VWA8: variants seen among roughly 807,000 people sequenced by gnomAD.
VWA8 encodes the protein von Willebrand factor A domain-containing protein 8.
A neutral mutation model predicts 241.5 loss-of-function variants in VWA8; 221 were observed. The observed-to-expected ratio is 0.91, with a 90% confidence interval of 0.82 to 1.02. The LOEUF is 1.02. VWA8 is among the 50% of genes least tolerant of loss of function. The probability of loss-of-function intolerance (pLI) is 0.00; values close to 1 mark genes in which losing one functional copy is unlikely to be tolerated. For missense variants in VWA8, 2,322 were observed against 2,328.7 expected (o/e 1.00, Z 0.06); for synonymous variants, 852 against 827.1 (o/e 1.03, Z -0.52).
intron 12 of VWA8, among the ~76,000 whole-genome samples, chr13:41,840,652 G>A (rs1182173978): frequency 6.6e-6 from 1 of 151,830 alleles, no homozygotes; most frequent in African/African-American, 2.4e-5. Context: ...CCAGCTACTT[G>A]GGGAGCTGAG....
chr13:41,776,873 T>G (rs186630706), intron 20 of VWA8, among the ~76,000 whole-genome samples: 10 of 152,328 alleles, frequency 6.6e-5, no homozygotes, highest in Admixed American at 5.9e-4. Flanking sequence ...ATTTTTACTT[T>G]TATTTTTAAA....
chr13:41,825,564 C>G (rs564568965), intron 14 of VWA8, among the ~76,000 whole-genome samples: 1 of 152,114 alleles, frequency 6.6e-6, no homozygotes, highest in African/African-American at 2.4e-5. Flanking sequence ...TGATACCCCC[C>G]GAGCATCGAC....
chr13:41,816,833 T>A (rs774643819), intron 15 of VWA8, 58 bp from the exon 16 acceptor site: 21 of 1,307,708 alleles, frequency 1.6e-5, no homozygotes, highest in Middle Eastern at 1.9e-4. Flanking sequence ...ATCTGATCAA[T>A]CAATCAGAAA....
chr13:41,694,383 T>TC (rs1302367718), intron 29 of VWA8, among the ~76,000 whole-genome samples: 5 of 152,142 alleles, frequency 3.3e-5, no homozygotes, highest in African/African-American at 9.6e-5. Context: ...CAAGCTTAAA[T>TC]TTCTTTCATA....
chr13:41,869,852 T>A lies in VWA8; in HGVS notation c.1081-1375A>T, dbSNP rs183153698. Among the ~76,000 whole-genome samples the A allele has an allele frequency of 1.7e-3, 263 of 152,254 alleles. 2 individuals are homozygous for A. The highest frequency in any genetic ancestry group is 5.8e-3 in the African/African-American group (242 of 41,550). ...CATGCTCAATATAAAAAACTGAATT[T>A]ATTTTTACTATTAAATAGGCAGAAA... On this transcript the variant is annotated intron_variant, in intron 9 of 44. Coordinates refer to ENST00000379310, the MANE Select transcript of VWA8 (RefSeq NM_015058.2).
At chr13:41,698,931 T>G (rs1374043781) in intron 29 of VWA8, 140 bp downstream of exon 29, 17 of 1,097,778 alleles carry the variant, frequency 1.5e-5, no homozygotes, top group Non-Finnish European at 2.1e-5. Context: ...GTAGTACTGA[T>G]AAAATGCAAC....
Position 41,719,626 on chromosome 13 carries a change from G to T in VWA8, c.3081C>A (p.Ile1027=). 6.2e-7 allele frequency: 1 copy of T among 1,613,026 alleles called. No individual in the cohort carries two copies. The highest frequency in any genetic ancestry group is 1.1e-5 in the South Asian group (1 of 91,046). ...INTLHKYGIP[I]GAKPTSVQLA... ...GCTGCACACTGGTAGGCTTTGCTCCGATAGGTATCCCGTATTTGTGTAAAG... is the reference window on the plus strand; with the variant it reads ...GCTGCACACTGGTAGGCTTTGCTCCTATAGGTATCCCGTATTTGTGTAAAG... The change falls in exon 26 of 45, where the codon ATC becomes ATA. Residue 1027 remains isoleucine, a synonymous_variant. Transcript: ENST00000379310.
chr13:41,644,119 G>T (rs542106016), intron 37 of VWA8, among the ~76,000 whole-genome samples: 1 of 152,164 alleles, frequency 6.6e-6, no homozygotes, highest in African/African-American at 2.4e-5. Flanking sequence ...TGACTACCCA[G>T]ATTTTTTTTT....
chr13:41,931,520 C>G (rs1239297291), intron 2 of VWA8, among the ~76,000 whole-genome samples: 1 of 151,900 alleles, frequency 6.6e-6, no homozygotes, highest in Admixed American at 6.6e-5. Flanking sequence ...AGTAATAAAA[C>G]TGTACTGTGA....
chr13:41,816,785 G>C lies in VWA8; in HGVS notation c.1870-10C>G. 9.3e-6 allele frequency: 15 copies of C among 1,606,174 alleles called. No individual in the cohort carries two copies. The highest frequency in any genetic ancestry group is 1.3e-5 in the Non-Finnish European group (15 of 1,173,976). On this transcript the variant is annotated splice_polypyrimidine_tract_variant and intron_variant, in intron 15 of 44. Transcript: ENST00000379310. ...GAGGTACATTTGGGACCTATTTTTT[G>C]AAAGAGTTGAGGACAAACAGAAGGA...
At chr13:41,798,694 T>C (rs1328290288) in intron 17 of VWA8, among the ~76,000 whole-genome samples, 1 of 152,202 alleles carries the variant, frequency 6.6e-6, no homozygotes, top group African/African-American at 2.4e-5. Context: ...TGTTCTGGAA[T>C]TCTCCTAACC....
intron 37 of VWA8, among the ~76,000 whole-genome samples, chr13:41,650,189 C>T (rs77616166): frequency 6.6e-6 from 1 of 152,010 alleles, no homozygotes; most frequent in Admixed American, 6.6e-5. Flanking sequence ...ATATTGTATA[C>T]TTATATACTA....
intron 2 of VWA8, among the ~76,000 whole-genome samples, chr13:41,933,439 T>C (rs1566044246): frequency 6.6e-6 from 1 of 152,098 alleles, no homozygotes; most frequent in Non-Finnish European, 1.5e-5. Flanking sequence ...GCAGGCTTTT[T>C]TGTTGTTTTA....
At chr13:41,843,771 C>G (rs564936421) in intron 12 of VWA8, among the ~76,000 whole-genome samples, 5 of 152,130 alleles carry the variant, frequency 3.3e-5, no homozygotes, top group South Asian at 2.1e-4. Flanking sequence ...AACACACAAC[C>G]TCCCAAGACT....
rs765312933 is a variant in VWA8, at chr13:41,865,725, G to A, written c.1425+11C>T. On this transcript the variant is annotated intron_variant, in intron 12 of 44. Transcript: ENST00000379310. ...TTATAGTCCAAGTGCAGCTAAAAATGAACACTGTACCTGATAGAGCATAAT... is the reference window on the plus strand; with the variant it reads ...TTATAGTCCAAGTGCAGCTAAAAATAAACACTGTACCTGATAGAGCATAAT... 6.2e-7 allele frequency: 1 copy of A among 1,612,620 alleles called. No individual in the cohort carries two copies.
At chr13:41,622,269 A>T (rs926328971) in intron 37 of VWA8, among the ~76,000 whole-genome samples, 16 of 152,184 alleles carry the variant, frequency 1.1e-4, no homozygotes, top group African/African-American at 3.4e-4. Context: ...AAACTGGAAC[A>T]TACTCAGGGA....
chr13:41,821,967 A>G (rs1188546475), intron 14 of VWA8, among the ~76,000 whole-genome samples: 1 of 152,148 alleles, frequency 6.6e-6, no homozygotes, highest in East Asian at 1.9e-4. Context: ...AGCTCTATAT[A>G]ATGACCAGAA....
intron 43 of VWA8, among the ~76,000 whole-genome samples, chr13:41,572,996 C>A (rs2044319507): frequency 6.7e-6 from 1 of 150,214 alleles, no homozygotes; most frequent in South Asian, 2.1e-4. Flanking sequence ...GTGATCTCAG[C>A]TGCTCGGAGG....
At chr13:41,672,721 T>C (rs908896908) in intron 36 of VWA8, among the ~76,000 whole-genome samples, 4 of 152,196 alleles carry the variant, frequency 2.6e-5, no homozygotes, top group Non-Finnish European at 5.9e-5. Flanking sequence ...TGGGACCATA[T>C]GTTCTGAGCT....
Sources: allele counts gnomAD v4.1 joint callset (sites outside exome capture counted in the v4.1 genomes callset), GRCh38; gene constraint gnomAD v4.1.1; transcripts MANE v1.5; gene names NCBI Gene and HGNC (gene_info 2026-07-23, HGNC 2026-07-21).